The following PCNX1 variants were observed in gnomAD, a reference collection of about 807,000 sequenced individuals.
PCNX1 encodes pecanex 1.
Under a neutral mutation model 242.2 loss-of-function variants are expected in PCNX1, and 78 were observed. The observed-to-expected ratio is 0.32, with a 90% CI of 0.27 to 0.39. The LOEUF is 0.39. Among genes scored for constraint, PCNX1 ranks in the 10% least tolerant of loss-of-function variants. The pLI, the probability that PCNX1 is intolerant of heterozygous loss-of-function variation, is 1.00. For missense variants in PCNX1, 2,581 were observed against 2,856.5 expected (o/e 0.90, Z 2.20); for synonymous variants, 1,024 against 1,032.9 (o/e 0.99, Z 0.17).
chr14:70,956,872 A>G (rs1051526839), intron 2 of PCNX1, among the ~76,000 whole-genome samples: 38 of 152,188 alleles, frequency 2.5e-4, no homozygotes, highest in African/African-American at 8.9e-4. Flanking sequence ...GAGGAGAATA[A>G]TAACTGTAAG....
intron 19 of PCNX1, among the ~76,000 whole-genome samples, chr14:71,041,999 G>C (rs2060720797): frequency 6.6e-6 from 1 of 152,014 alleles, no homozygotes; most frequent in South Asian, 2.1e-4. Flanking sequence ...AGTTCCTCTT[G>C]TTATTTATTT....
chr14:70,945,016 T>G (rs1215882456), intron 1 of PCNX1, among the ~76,000 whole-genome samples: 1 of 152,142 alleles, frequency 6.6e-6, no homozygotes, highest in Non-Finnish European at 1.5e-5. Context: ...CATAGCAGCA[T>G]GAGAGTGGAC....
chr14:71,035,990 G>T, intron 18 of PCNX1, 75 bp from the exon 19 acceptor site: 2 of 949,186 alleles, frequency 2.1e-6, no homozygotes, highest in Non-Finnish European at 1.6e-6. Flanking sequence ...CTTAAACTTT[G>T]CCAATTGGGA....
At chr14:71,037,514 G>T (rs1595337076) in intron 19 of PCNX1, among the ~76,000 whole-genome samples, 1 of 151,298 alleles carries the variant, frequency 6.6e-6, no homozygotes, top group Non-Finnish European at 1.5e-5. Flanking sequence ...GTTGAATTTT[G>T]TCAAAGGCCT....
chr14:71,030,960 T>C (rs766737588), intron 16 of PCNX1, among the ~76,000 whole-genome samples: 18 of 152,226 alleles, frequency 1.2e-4, no homozygotes, highest in African/African-American at 9.6e-5. Context: ...ATTTGTGTTA[T>C]GTTTAACAAC....
intron 7 of PCNX1, among the ~76,000 whole-genome samples, chr14:70,994,400 T>G (rs1042789453): frequency 4.1e-4 from 13 of 31,754 alleles, no homozygotes; most frequent in South Asian, 8.7e-4. Flanking sequence ...GCTTAAGATA[T>G]ATATATATAT....
At chr14:70,993,775 C>A (rs913247066) in intron 7 of PCNX1, among the ~76,000 whole-genome samples, 17 of 152,070 alleles carry the variant, frequency 1.1e-4, no homozygotes, top group Non-Finnish European at 5.9e-5. Flanking sequence ...GGACGTGGTA[C>A]CTGAACTACT....
chr14:71,028,674 T>A lies in PCNX1; in HGVS notation c.3467-26T>A, dbSNP rs768752200. The A allele has an allele frequency of 2.2e-6, 3 of 1,344,770 alleles. No homozygotes were observed. In the Admixed American group the frequency reaches 5.8e-5, roughly 26 times the overall value. The allele number at this position is 1,344,770 out of a possible 1,614,324, so 83.3% of individuals were successfully genotyped here. A position where few individuals can be genotyped will look rare whatever the true frequency, so the allele number is the denominator to read the frequency against. ...TTTTCATATATTTTTATAAAATGTT[T>A]CTTACCTTTTCCTTTTCCTGTCTAG... On this transcript the variant is annotated intron_variant, in intron 15 of 35. Coordinates refer to ENST00000304743, the MANE Select transcript of PCNX1 (RefSeq NM_014982.3).
At chr14:71,068,412 GTATT>G (rs1031537326) in intron 26 of PCNX1, among the ~76,000 whole-genome samples, 10 of 148,700 alleles carry the variant, frequency 6.7e-5, no homozygotes, top group Admixed American at 4.1e-4. Context: ...GTATATATAT[GTATT>G]TATATGTATA....
chr14:70,910,044 C>T lies in PCNX1; in HGVS notation c.153+2041C>T, dbSNP rs538114782. 4.2e-3 allele frequency among the ~76,000 whole-genome samples: 289 copies of T among 68,078 alleles called. 3 individuals are homozygous for T. The highest frequency in any genetic ancestry group is 6.8e-3 in the Non-Finnish European group (219 of 32,140). 44.7% of individuals were successfully genotyped at this position (68,078 alleles called of 152,430 possible). ...ACGACGACTCCTCCCTCCTCCTCCT[C>T]CTCCTCCTCCTCCTCCTCCCCCTCC... On this transcript the variant is annotated intron_variant, in intron 1 of 35. Coordinates refer to ENST00000304743, the MANE Select transcript of PCNX1 (RefSeq NM_014982.3).
At chr14:71,005,225 G>A (rs1018004737) in intron 8 of PCNX1, among the ~76,000 whole-genome samples, 1 of 152,134 alleles carries the variant, frequency 6.6e-6, no homozygotes, top group African/African-American at 2.4e-5. Context: ...GCAACAGGCT[G>A]GGCGTGGTGG....
chr14:71,037,614 C>G (rs2060578986), intron 19 of PCNX1, among the ~76,000 whole-genome samples: 1 of 150,300 alleles, frequency 6.7e-6, no homozygotes, highest in African/African-American at 2.4e-5. Flanking sequence ...TATATTGAAC[C>G]AGCCTTGCAT....
intron 1 of PCNX1, among the ~76,000 whole-genome samples, chr14:70,927,237 T>C (rs1566576395): frequency 6.6e-6 from 1 of 152,230 alleles, no homozygotes; most frequent in Non-Finnish European, 1.5e-5. Flanking sequence ...CAGTAAATTG[T>C]TGCATGAATG....
chr14:71,095,144 A>G (rs959286961), intron 30 of PCNX1, among the ~76,000 whole-genome samples: 5 of 152,262 alleles, frequency 3.3e-5, no homozygotes, highest in Middle Eastern at 3.4e-3. Context: ...CTTTTGTAAA[A>G]TATCTTTCCT....
chr14:70,978,179 T>C lies in PCNX1; in HGVS notation c.1842T>C (p.Val614=), dbSNP rs1240422845. 1.2e-6 allele frequency: 2 copies of C among 1,614,006 alleles called. No homozygotes were observed. Among genetic ancestry groups the C allele is most frequent in the Non-Finnish European group, 1.7e-6 (2 of 1,180,012 alleles). Residue 614 remains valine, a synonymous_variant, in exon 6 of 36, where the codon GTT becomes GTC. Coordinates refer to ENST00000304743, the MANE Select transcript of PCNX1 (RefSeq NM_014982.3). Reference sequence around the variant, plus strand: ...GTGACTTGAGTAGAGCATCAAGTGTTCAGTCTGCTCACCAGTTCAGCAGTG... The same window carrying C: ...GTGACTTGAGTAGAGCATCAAGTGTCCAGTCTGCTCACCAGTTCAGCAGTG... The part of the protein sequence containing the change: ...DQSDLSRASS[V]QSAHQFSSDS...
In PCNX1 at chr14:71,102,067, C is replaced by T. The variant is rs758132850; in HGVS notation, c.5667C>T (p.Leu1889=). The T allele has an allele frequency of 6.2e-6, 10 of 1,613,636 alleles. No individual in the cohort carries two copies. The East Asian group carries it at 8.9e-5, about 14-fold the overall frequency. Residue 1889 remains leucine (L), a synonymous_variant, in exon 31 of 36, where the codon CTC becomes CTT. Coordinates refer to ENST00000304743, the MANE Select transcript of PCNX1 (RefSeq NM_014982.3). ...CCATAGTATCTCATGAGAAGAACCTCGTAATAGCCCATGAAGGGGACCCTG... is the reference window on the plus strand; with the variant it reads ...CCATAGTATCTCATGAGAAGAACCTTGTAATAGCCCATGAAGGGGACCCTG... ...YEAIVSHEKN[L]VIAHEGDPAW... is the part of the protein sequence containing the mutation.
At chr14:71,068,217 A>G (rs766076150) in intron 26 of PCNX1, among the ~76,000 whole-genome samples, 17 of 151,896 alleles carry the variant, frequency 1.1e-4, no homozygotes, top group African/African-American at 3.6e-4. Flanking sequence ...TGTAATCCCA[A>G]CTACTCAGGA....
At chr14:71,053,847 TA>T (rs2061108313) in intron 24 of PCNX1, among the ~76,000 whole-genome samples, 1 of 152,210 alleles carries the variant, frequency 6.6e-6, no homozygotes, top group South Asian at 2.1e-4. Flanking sequence ...GTGGCATTGT[TA>T]TATAGTTTTG....
At chr14:70,997,665 T>C (rs545999638) in intron 8 of PCNX1, among the ~76,000 whole-genome samples, 67 of 152,256 alleles carry the variant, frequency 4.4e-4, no homozygotes, top group African/African-American at 1.5e-3. Flanking sequence ...TCTATCGTAT[T>C]TGAATGGTGC....
Sources: gnomAD v4.1 joint callset for allele counts (sites outside exome capture counted in the v4.1 genomes callset) on GRCh38, gnomAD v4.1.1 for gene constraint, MANE v1.5 for transcripts, NCBI Gene and HGNC (gene_info 2026-07-23, HGNC 2026-07-21) for gene names.